NOL4: variants seen among roughly 807,000 people sequenced by gnomAD.
NOL4 encodes the protein cancer/testis antigen 125.
Under a neutral mutation model 75.9 loss-of-function variants are expected in NOL4, and 17 were observed. The observed-to-expected ratio is 0.22, with a 90% CI of 0.15 to 0.34. The LOEUF (loss-of-function observed/expected upper bound fraction) is 0.34, where lower values mean the gene tolerates loss of function less well. Among genes scored for constraint, NOL4 ranks in the 10% least tolerant of loss-of-function variants. NOL4 has a pLI of 1.00. For synonymous variants in NOL4, 292 were observed against 289.9 expected, an observed-to-expected ratio of 1.01 and a Z score of -0.07; for missense variants, 614 against 793.5, an observed-to-expected ratio of 0.77 and a Z score of 2.72.
intron 6 of NOL4, among the ~76,000 whole-genome samples, chr18:34,002,437 T>C (rs1489303320): frequency 6.6e-6 from 1 of 152,224 alleles, no homozygotes; most frequent in South Asian, 2.1e-4. Flanking sequence ...CCTAATGAGA[T>C]ATTATACCTT....
intron 5 of NOL4, among the ~76,000 whole-genome samples, chr18:34,057,429 T>C (rs188762543): frequency 6.6e-6 from 1 of 152,270 alleles, no homozygotes; most frequent in East Asian, 1.9e-4. Context: ...ACTAAAATGT[T>C]CTTTGCCTTG....
intron 1 of NOL4, among the ~76,000 whole-genome samples, chr18:34,159,167 G>T (rs922143490): frequency 2.6e-5 from 4 of 152,136 alleles, no homozygotes; most frequent in African/African-American, 9.7e-5. Context: ...AGGGAGAAAG[G>T]CGCCCTCCAC....
At chr18:34,092,085 C>T (rs570197273) in intron 5 of NOL4, among the ~76,000 whole-genome samples, 15 of 151,438 alleles carry the variant, frequency 9.9e-5, no homozygotes, top group Non-Finnish European at 1.8e-4. Context: ...TAGACTAAGA[C>T]GGCAAGGAGA....
At chr18:33,929,082 T>C in intron 9 of NOL4, among the ~76,000 whole-genome samples, 1 of 152,160 alleles carries the variant, frequency 6.6e-6, no homozygotes, top group East Asian at 1.9e-4. Flanking sequence ...TACACCCCAT[T>C]GTCTGTTTGC....
At chr18:34,215,434 C>A (rs2036817024) in intron 1 of NOL4, among the ~76,000 whole-genome samples, 1 of 152,114 alleles carries the variant, frequency 6.6e-6, no homozygotes, top group African/African-American at 2.4e-5. Context: ...AAGCAATAGG[C>A]ATATTTTATT....
intron 1 of NOL4, among the ~76,000 whole-genome samples, chr18:34,180,302 T>C (rs2033925876): frequency 6.6e-6 from 1 of 151,676 alleles, no homozygotes; most frequent in Admixed American, 6.6e-5. Flanking sequence ...CATATGGAAT[T>C]TATCTCATAT....
intron 5 of NOL4, among the ~76,000 whole-genome samples, chr18:34,063,820 G>C (rs2077159724): frequency 6.6e-6 from 1 of 151,840 alleles, no homozygotes; most frequent in Non-Finnish European, 1.5e-5. Flanking sequence ...AACTATATCA[G>C]TAGTATATCA....
chr18:34,063,092 C>T (rs1415106323), intron 5 of NOL4, among the ~76,000 whole-genome samples: 1 of 151,984 alleles, frequency 6.6e-6, no homozygotes, highest in African/African-American at 2.4e-5. Context: ...CTCACTCATT[C>T]CTCAATCACT....
chr18:34,094,762 G>A (rs759895291), intron 4 of NOL4, among the ~76,000 whole-genome samples: 5 of 151,898 alleles, frequency 3.3e-5, no homozygotes, highest in Admixed American at 2.6e-4. Flanking sequence ...TGTTGCACAC[G>A]TTGTTCTTTA....
intron 4 of NOL4, among the ~76,000 whole-genome samples, chr18:34,102,966 G>A (rs1309896285): frequency 6.6e-6 from 1 of 151,834 alleles, no homozygotes; most frequent in East Asian, 1.9e-4. Context: ...TTTTTGTATG[G>A]AGTATACCCT....
At chr18:33,932,935 T>C (rs1231603381) in intron 9 of NOL4, among the ~76,000 whole-genome samples, 2 of 152,116 alleles carry the variant, frequency 1.3e-5, no homozygotes, top group Non-Finnish European at 2.9e-5. Flanking sequence ...TTAAAGAGGA[T>C]GTCAAGACCC....
At chr18:34,059,923 GC>G (rs1388676819) in intron 5 of NOL4, among the ~76,000 whole-genome samples, 1 of 152,028 alleles carries the variant, frequency 6.6e-6, no homozygotes, top group Non-Finnish European at 1.5e-5. Context: ...ACCGAGATGA[GC>G]CTTCCAGCCT....
intron 9 of NOL4, among the ~76,000 whole-genome samples, chr18:33,906,877 G>C (rs2066081879): frequency 6.6e-6 from 1 of 152,132 alleles, no homozygotes. Flanking sequence ...CTATCCCCCA[G>C]ACACTTTCAC....
chr18:33,910,327 T>A (rs889489262), intron 9 of NOL4, among the ~76,000 whole-genome samples: 1 of 152,130 alleles, frequency 6.6e-6, no homozygotes, highest in Non-Finnish European at 1.5e-5. Flanking sequence ...GGGTTTCAAA[T>A]CAGTGAAACA....
intron 1 of NOL4, among the ~76,000 whole-genome samples, chr18:34,203,434 C>T (rs1196578362): frequency 2.6e-5 from 4 of 151,920 alleles, no homozygotes; most frequent in African/African-American, 9.7e-5. Context: ...ACACACCACA[C>T]ACACACACAT....
chr18:34,119,314 A>G (rs1220281227), intron 2 of NOL4, among the ~76,000 whole-genome samples: 2 of 152,186 alleles, frequency 1.3e-5, no homozygotes, highest in Non-Finnish European at 2.9e-5. Context: ...GATGTTTCCA[A>G]TAGCAAAACC....
At chr18:34,023,596 T>A in intron 5 of NOL4, 1 of 393,418 alleles carries the variant, frequency 2.5e-6, no homozygotes, top group East Asian at 7.3e-5. Context: ...ACTCTGTATA[T>A]GAGTCCCAAG....
At chr18:34,187,255 A>G (rs999275026) in intron 1 of NOL4, among the ~76,000 whole-genome samples, 2 of 151,970 alleles carry the variant, frequency 1.3e-5, no homozygotes, top group African/African-American at 2.4e-5. Flanking sequence ...TGCTTTTTCC[A>G]GAGTGTCAGA....
At chr18:34,129,562 T>C (rs1474196003) in intron 2 of NOL4, among the ~76,000 whole-genome samples, 1 of 151,514 alleles carries the variant, frequency 6.6e-6, no homozygotes, top group Non-Finnish European at 1.5e-5. Flanking sequence ...CTATGACTCA[T>C]TGAATATATA....
Sources: gnomAD v4.1 joint callset for allele counts (sites outside exome capture counted in the v4.1 genomes callset) on GRCh38, gnomAD v4.1.1 for gene constraint, MANE v1.5 for transcripts, NCBI Gene and HGNC (gene_info 2026-07-23, HGNC 2026-07-21) for gene names.